RSPO2: variants seen among roughly 807,000 people sequenced by gnomAD.
The protein encoded by RSPO2 is R-spondin-2.
A neutral mutation model predicts 30.9 loss-of-function variants in RSPO2; 14 were observed. That is an observed-to-expected ratio of 0.45 (90% CI 0.30 to 0.71). RSPO2 has a LOEUF of 0.71. Ranked by LOEUF, RSPO2 falls within the 30% of genes least tolerant of loss-of-function variation. RSPO2 has a pLI of 0.08. For missense variants in RSPO2, 264 were observed against 301.9 expected (o/e 0.87, Z 0.93); for synonymous variants, 107 against 96.4 (o/e 1.11, Z -0.64).
chr8:108,053,102 G>A (rs1267242176), intron 2 of RSPO2, among the ~76,000 whole-genome samples: 2 of 152,054 alleles, frequency 1.3e-5, no homozygotes, highest in Non-Finnish European at 2.9e-5. Context: ...TCTCAACTGG[G>A]GGACTGAGTG....
At chr8:107,960,339 G>A (rs1330582894) in intron 4 of RSPO2, among the ~76,000 whole-genome samples, 2 of 151,690 alleles carry the variant, frequency 1.3e-5, no homozygotes, top group Non-Finnish European at 2.9e-5. Context: ...TGATGTGGTA[G>A]TGCTTAAAAC....
At chr8:107,960,365 A>G (rs1813586442) in intron 4 of RSPO2, among the ~76,000 whole-genome samples, 1 of 152,090 alleles carries the variant, frequency 6.6e-6, no homozygotes, top group Non-Finnish European at 1.5e-5. Context: ...TTCTGAACAA[A>G]ATGTTTTTCT....
At chr8:108,040,208 G>A (rs1356728290) in intron 2 of RSPO2, among the ~76,000 whole-genome samples, 1 of 152,074 alleles carries the variant, frequency 6.6e-6, no homozygotes, top group East Asian at 1.9e-4. Context: ...AAATAGATAA[G>A]GTTGAAGTCC....
rs186268765 is a variant in RSPO2, at chr8:107,901,806, A to T, written c.617-616T>A. Reference sequence around the variant, plus strand: ...CTGGACAAGTTGTTGTTATTAATGGAGAGCAAGAAGAATGCTTATTTGTTT... The same window carrying T: ...CTGGACAAGTTGTTGTTATTAATGGTGAGCAAGAAGAATGCTTATTTGTTT... On this transcript the variant is annotated intron_variant, in intron 5 of 5. Coordinates refer to ENST00000276659, the MANE Select transcript of RSPO2 (RefSeq NM_178565.5). 3.7e-3 allele frequency among the ~76,000 whole-genome samples: 560 copies of T among 152,354 alleles called. 7 individuals are homozygous for T. The highest frequency in any genetic ancestry group is 0.013 in the African/African-American group (531 of 41,580).
chr8:108,082,808 C>T lies in RSPO2; in HGVS notation c.-169-1G>A. The T allele has an allele frequency of 3.4e-6, 2 of 579,788 alleles. No individual in the cohort carries two copies. The highest frequency in any genetic ancestry group is 4.4e-5 in the South Asian group (2 of 45,154). The allele number at this position is 579,788 out of a possible 1,614,324, so 35.9% of individuals were successfully genotyped here. A position where few individuals can be genotyped will look rare whatever the true frequency, so the allele number is the denominator to read the frequency against. The stretch of plus-strand genomic sequence containing the variant: ...CGATCAGCATCTCTCCGCCACGAAC[C>T]TGAGAGACAAGAAGCGAAAACAGGG... On this transcript the variant is annotated splice_acceptor_variant, in intron 1 of 5. Coordinates refer to ENST00000276659, the MANE Select transcript of RSPO2 (RefSeq NM_178565.5). LOFTEE classifies it low-confidence loss of function (5UTR_SPLICE).
At chr8:108,008,964 A>G (rs898308631) in intron 2 of RSPO2, among the ~76,000 whole-genome samples, 1 of 152,076 alleles carries the variant, frequency 6.6e-6, no homozygotes, top group African/African-American at 2.4e-5. Context: ...AAGTAAAAAT[A>G]TAATAAGCTA....
intron 5 of RSPO2, among the ~76,000 whole-genome samples, chr8:107,904,923 AT>A (rs1259276209): frequency 2.0e-5 from 3 of 152,142 alleles, no homozygotes; most frequent in African/African-American, 7.2e-5. Context: ...ACATGTGGAA[AT>A]GGTCCAAGAG....
chr8:108,074,499 A>T (rs1382240908), intron 2 of RSPO2, among the ~76,000 whole-genome samples: 2 of 152,202 alleles, frequency 1.3e-5, no homozygotes, highest in Non-Finnish European at 2.9e-5. Flanking sequence ...AATTTTAAAA[A>T]TTACCAATGC....
intron 3 of RSPO2, among the ~76,000 whole-genome samples, chr8:107,980,369 T>C (rs1814382539): frequency 6.6e-6 from 1 of 152,192 alleles, no homozygotes; most frequent in African/African-American, 2.4e-5. Flanking sequence ...GATAAATACC[T>C]ACTAATACTG....
At chr8:107,902,452 C>T (rs763614728) in intron 5 of RSPO2, among the ~76,000 whole-genome samples, 6 of 152,074 alleles carry the variant, frequency 3.9e-5, no homozygotes, top group Admixed American at 6.6e-5. Flanking sequence ...TAACCCAGAC[C>T]CTTTCATTCC....
chr8:108,073,571 A>C (rs566881327), intron 2 of RSPO2, among the ~76,000 whole-genome samples: 1 of 152,244 alleles, frequency 6.6e-6, no homozygotes, highest in Admixed American at 6.5e-5. Flanking sequence ...CCAGCACCAC[A>C]TGTCACCAGC....
At chr8:108,014,399 G>C (rs1331544558) in intron 2 of RSPO2, among the ~76,000 whole-genome samples, 2 of 152,144 alleles carry the variant, frequency 1.3e-5, no homozygotes, top group Non-Finnish European at 2.9e-5. Context: ...GCACACATAT[G>C]CTTATTGCAG....
intron 5 of RSPO2, among the ~76,000 whole-genome samples, chr8:107,948,616 T>C (rs1047959665): frequency 3.5e-4 from 53 of 152,094 alleles, no homozygotes; most frequent in African/African-American, 1.2e-3. Flanking sequence ...TTTAAGAATA[T>C]CTTAAGGCCG....
chr8:107,972,814 T>C (rs184903321), intron 3 of RSPO2, among the ~76,000 whole-genome samples: 26 of 152,296 alleles, frequency 1.7e-4, no homozygotes, highest in Admixed American at 6.5e-4. Flanking sequence ...TTGTCTAAGC[T>C]TACAAAGCTA....
chr8:108,061,790 G>T (rs181023744), intron 2 of RSPO2, among the ~76,000 whole-genome samples: 24 of 151,864 alleles, frequency 1.6e-4, no homozygotes, highest in Middle Eastern at 3.4e-3. Flanking sequence ...TGCAGGTAAA[G>T]CACTCCTCAG....
At chr8:107,969,994 C>T (rs896367370) in intron 3 of RSPO2, among the ~76,000 whole-genome samples, 3 of 152,118 alleles carry the variant, frequency 2.0e-5, no homozygotes, top group African/African-American at 7.2e-5. Flanking sequence ...CATATGTAAG[C>T]TAATATATGT....
intron 2 of RSPO2, among the ~76,000 whole-genome samples, chr8:108,023,875 G>A (rs1040062165): frequency 1.3e-5 from 2 of 152,130 alleles, no homozygotes; most frequent in African/African-American, 4.8e-5. Context: ...GTTATGCAGA[G>A]TTGTGTCTCA....
chr8:107,994,379 ATAT>A (rs1204880075), intron 2 of RSPO2, among the ~76,000 whole-genome samples: 2 of 152,136 alleles, frequency 1.3e-5, no homozygotes, highest in Non-Finnish European at 2.9e-5. Flanking sequence ...CACCAGTAAG[ATAT>A]TATTTACTTT....
chr8:108,013,597 G>A (rs1157789364), intron 2 of RSPO2, among the ~76,000 whole-genome samples: 1 of 152,142 alleles, frequency 6.6e-6, no homozygotes, highest in East Asian at 1.9e-4. Flanking sequence ...ACAAGCAATG[G>A]GGAAAGGATT....
Sources: allele counts gnomAD v4.1 joint callset (sites outside exome capture counted in the v4.1 genomes callset), GRCh38; gene constraint gnomAD v4.1.1; transcripts MANE v1.5; gene names NCBI Gene and HGNC (gene_info 2026-07-23, HGNC 2026-07-21).